The following TPP2 variants were observed in gnomAD, a reference collection of about 807,000 sequenced individuals.
TPP2 encodes tripeptidyl peptidase 2, also known as tripeptidyl-peptidase 2.
A neutral mutation model predicts 155.9 loss-of-function variants in TPP2; 34 were observed. That is an observed-to-expected ratio of 0.22 (90% confidence interval 0.17 to 0.29). TPP2 has a LOEUF of 0.29. TPP2 is among the 10% of genes least tolerant of loss of function. The pLI is 1.00. For synonymous variants in TPP2, 510 were observed against 529.4 expected, an observed-to-expected ratio of 0.96 and a Z score of 0.50; for missense variants, 1,028 against 1,522.3, an observed-to-expected ratio of 0.68 and a Z score of 5.40.
chr13:102,630,704 G>A (rs951317872), intron 10 of TPP2, among the ~76,000 whole-genome samples: 5 of 152,112 alleles, frequency 3.3e-5, no homozygotes, highest in African/African-American at 1.2e-4. Flanking sequence ...GTTCCCTGAA[G>A]CCCTCTGAAC....
Position 102,646,375 on chromosome 13 carries a change from A to G in TPP2, c.2475A>G (p.Thr825=), listed in dbSNP as rs774490025. Residue 825 remains threonine (T), a synonymous_variant, in exon 20 of 30, where the codon ACA becomes ACG. Transcript: ENST00000376052. ...NNRQLYEMVL[T]YNFHQPKSGE... is the part of the protein sequence containing the mutation. ...GTCAACTTTATGAGATGGTCCTGAC[A>G]TATAACTTTCATCAAGTAAGTGTTT... 5.0e-6 allele frequency: 8 copies of G among 1,612,282 alleles called. No individual in the cohort carries two copies. The highest frequency in any genetic ancestry group is 3.3e-5 in the Admixed American group (2 of 59,800).
intron 6 of TPP2, among the ~76,000 whole-genome samples, chr13:102,625,756 C>T (rs1321110178): frequency 6.6e-6 from 1 of 152,232 alleles, no homozygotes; most frequent in Non-Finnish European, 1.5e-5. Flanking sequence ...AGCATTGCTG[C>T]AGACCCTGTT....
At chr13:102,611,609 A>G (rs752792732) in intron 2 of TPP2, among the ~76,000 whole-genome samples, 8 of 152,340 alleles carry the variant, frequency 5.3e-5, no homozygotes, top group South Asian at 4.1e-4. Context: ...CAGTGAGCCA[A>G]TATGGCGCCA....
chr13:102,599,306 T>A lies in TPP2; in HGVS notation c.165+2103T>A, dbSNP rs187501219. ...AAATAAAATGAAAGCATAAGTCTTC[T>A]CTTTTAACAACCTTGACTCAGATAT... On this transcript the variant is annotated intron_variant, in intron 1 of 29. Transcript: ENST00000376052. 2.0e-3 allele frequency among the ~76,000 whole-genome samples: 301 copies of A among 152,368 alleles called. 1 individual carries two copies. The highest frequency in any genetic ancestry group is 6.6e-3 in the African/African-American group (273 of 41,590).
At chr13:102,660,575 C>A (rs79489637) in intron 25 of TPP2, among the ~76,000 whole-genome samples, 183 of 152,242 alleles carry the variant, frequency 1.2e-3, no homozygotes, top group African/African-American at 4.3e-3. Flanking sequence ...TCATATTGAT[C>A]GAATGATTCA....
At chr13:102,660,674 C>G (rs552104218) in intron 25 of TPP2, among the ~76,000 whole-genome samples, 1 of 152,298 alleles carries the variant, frequency 6.6e-6, no homozygotes, top group South Asian at 2.1e-4. Context: ...AATAGCCAGA[C>G]AGTCTTGAAA....
intron 1 of TPP2, among the ~76,000 whole-genome samples, chr13:102,603,632 G>A (rs1879597458): frequency 6.6e-6 from 1 of 152,204 alleles, no homozygotes; most frequent in Admixed American, 6.5e-5. Context: ...GGGTCAGATG[G>A]TGCGAGGCTT....
At chr13:102,619,524 A>G (rs1881000602) in intron 5 of TPP2, among the ~76,000 whole-genome samples, 1 of 152,146 alleles carries the variant, frequency 6.6e-6, no homozygotes, top group South Asian at 2.1e-4. Context: ...TACACAAAGA[A>G]TTGCATCACA....
intron 15 of TPP2, among the ~76,000 whole-genome samples, chr13:102,638,548 A>G (rs558414569): frequency 1.3e-5 from 2 of 152,214 alleles, no homozygotes; most frequent in Admixed American, 6.5e-5. Context: ...CATCAAAACT[A>G]TTTCCACCAC....
At chr13:102,604,523 C>T (rs1178388294) in intron 1 of TPP2, among the ~76,000 whole-genome samples, 2 of 152,170 alleles carry the variant, frequency 1.3e-5, no homozygotes, top group African/African-American at 4.8e-5. Context: ...GCCATATCCC[C>T]AGCACCTAAA....
At chr13:102,676,763 A>G (rs998120982) in intron 29 of TPP2, among the ~76,000 whole-genome samples, 1 of 152,226 alleles carries the variant, frequency 6.6e-6, no homozygotes, top group Non-Finnish European at 1.5e-5. Flanking sequence ...AAATGGTTCA[A>G]CTTCTGGAGT....
chr13:102,636,450 T>G, intron 13 of TPP2, 58 bp downstream of exon 13: 1 of 1,544,402 alleles, frequency 6.5e-7, no homozygotes, highest in Non-Finnish European at 8.7e-7. Flanking sequence ...GAATGAGTGG[T>G]ATCATAATAA....
chr13:102,650,414 G>A (rs900393394), intron 23 of TPP2, among the ~76,000 whole-genome samples: 1 of 150,982 alleles, frequency 6.6e-6, no homozygotes, highest in African/African-American at 2.4e-5. Flanking sequence ...AAGCATAATT[G>A]GGGAAACTTG....
chr13:102,601,653 G>T (rs1316830507), intron 1 of TPP2, among the ~76,000 whole-genome samples: 1 of 152,106 alleles, frequency 6.6e-6, no homozygotes, highest in Non-Finnish European at 1.5e-5. Context: ...CCCATGTGAA[G>T]CCTCCCCCTT....
rs76412065 is a variant in TPP2, at chr13:102,670,171, T to TGG, written c.3372-4106_3372-4105dup. Among the ~76,000 whole-genome samples, 135 of 151,374 alleles carry TGG rather than the reference T, an allele frequency of 8.9e-4. 1 individual carries two copies. Among genetic ancestry groups the TGG allele is most frequent in the South Asian group, 5.6e-3 (27 of 4,780 alleles). On this transcript the variant is annotated intron_variant, in intron 27 of 29. Transcript: ENST00000376052. The stretch of plus-strand genomic sequence containing the variant: ...GCATTAAAGAATTAGGTATTGTGGG[T>TGG]GGGGGGGTGTGGCGGTGAACCACTT...
chr13:102,654,772 C>CT (rs1336405089), intron 24 of TPP2, among the ~76,000 whole-genome samples: 2 of 152,172 alleles, frequency 1.3e-5, no homozygotes, highest in Non-Finnish European at 2.9e-5. Flanking sequence ...CACTTAGCCC[C>CT]TTTAATTCCT....
At chr13:102,598,215 C>G (rs533159290) in intron 1 of TPP2, among the ~76,000 whole-genome samples, 1 of 152,298 alleles carries the variant, frequency 6.6e-6, no homozygotes, top group South Asian at 2.1e-4. Flanking sequence ...AGATCCATCT[C>G]CCAGCATCCC....
At chr13:102,640,483 A>G (rs1475328220) in intron 16 of TPP2, 107 bp downstream of exon 16, 7 of 855,578 alleles carry the variant, frequency 8.2e-6, no homozygotes, top group South Asian at 1.7e-5. Context: ...TGGTACTAAT[A>G]TATGTATTTG....
At chr13:102,631,276 C>G (rs562545069) in intron 10 of TPP2, 2 of 152,192 alleles carry the variant, frequency 1.3e-5, no homozygotes, top group Non-Finnish European at 2.9e-5. Context: ...CTCATTTTCT[C>G]TAGGTGGTTT....
Sources: gnomAD v4.1 joint callset for allele counts (sites outside exome capture counted in the v4.1 genomes callset) on GRCh38, gnomAD v4.1.1 for gene constraint, MANE v1.5 for transcripts, NCBI Gene and HGNC (gene_info 2026-07-23, HGNC 2026-07-21) for gene names.